The following YAP1 variants were observed in gnomAD, a reference collection of about 807,000 sequenced individuals.
YAP1 encodes the protein transcriptional coactivator YAP1.
Under a neutral mutation model 56.9 loss-of-function variants are expected in YAP1, and 5 were observed. The ratio of observed to expected loss-of-function variants is 0.09; its 90% CI spans 0.05 to 0.18. The LOEUF (loss-of-function observed/expected upper bound fraction) is 0.18, where lower values mean the gene tolerates loss of function less well. Among genes scored for constraint, YAP1 ranks in the 10% least tolerant of loss-of-function variants. YAP1 has a pLI of 1.00. For missense variants in YAP1, 539 were observed against 651.8 expected (o/e 0.83, Z 1.88); for synonymous variants, 265 against 248.1 (o/e 1.07, Z -0.64).
chr11:102,168,619 A>G (rs1377857161), intron 3 of YAP1, among the ~76,000 whole-genome samples: 1 of 152,216 alleles, frequency 6.6e-6, no homozygotes, highest in Non-Finnish European at 1.5e-5. Flanking sequence ...TGGGTGGAGA[A>G]AATGCCCTCT....
intron 2 of YAP1, among the ~76,000 whole-genome samples, chr11:102,155,777 G>A (rs1333039089): frequency 2.0e-5 from 3 of 152,160 alleles, no homozygotes; most frequent in African/African-American, 7.2e-5. Flanking sequence ...TTGAAAATTT[G>A]AATGTCACCA....
chr11:102,223,253 CAAAAAAAAAA>C (rs1013718662), intron 6 of YAP1, among the ~76,000 whole-genome samples: 6 of 52,462 alleles, frequency 1.1e-4, no homozygotes, highest in African/African-American at 2.0e-4. Flanking sequence ...TCTTGAAGAA[CAAAAAAAAAA>C]AAAAAAAAAG....
intron 2 of YAP1, among the ~76,000 whole-genome samples, chr11:102,155,967 G>A (rs188783530): frequency 1.2e-4 from 18 of 152,216 alleles, no homozygotes; most frequent in African/African-American, 3.9e-4. Context: ...CCTTGGTTGA[G>A]GGCATTACTC....
chr11:102,197,095 TTG>T (rs1281719247), intron 4 of YAP1, among the ~76,000 whole-genome samples: 2 of 152,210 alleles, frequency 1.3e-5, no homozygotes, highest in Admixed American at 1.3e-4. Context: ...GCCTATTAGT[TTG>T]TGTTTTTAGA....
intron 3 of YAP1, among the ~76,000 whole-genome samples, chr11:102,163,769 G>A (rs75300728): frequency 0.057 from 8,613 of 152,224 alleles, 369 homozygotes; most frequent in East Asian, 0.19. Context: ...TTGACTAGGC[G>A]AATTCACAGA....
chr11:102,181,158 A>G (rs774334046), intron 3 of YAP1, among the ~76,000 whole-genome samples: 1 of 149,690 alleles, frequency 6.7e-6, no homozygotes, highest in Non-Finnish European at 1.5e-5. Flanking sequence ...AAAAAATAAA[A>G]TAATAGGCCA....
chr11:102,183,749 A>G (rs954376089), intron 3 of YAP1, among the ~76,000 whole-genome samples: 17 of 130,022 alleles, frequency 1.3e-4, no homozygotes, highest in Non-Finnish European at 2.7e-4. Context: ...TTTAAACCAC[A>G]TATATGAAAC....
intron 3 of YAP1, among the ~76,000 whole-genome samples, chr11:102,170,183 T>C (rs530942512): frequency 6.6e-6 from 1 of 152,320 alleles, no homozygotes; most frequent in Admixed American, 6.5e-5. Context: ...TTTCACTTCG[T>C]CTCCACTGGG....
At position 102,176,602 on chromosome 11, in the gene YAP1, C is replaced by T. The variant is rs147204078; in HGVS notation, c.689-9416C>T. On this transcript the variant is annotated intron_variant, in intron 3 of 8. Transcript: ENST00000282441. Reference sequence around the variant, plus strand: ...TCTACTAAAAATAACAAAAGTTAGCCGGGTGTGGTGGTGCACCCCTGTAAT... The same window carrying T: ...TCTACTAAAAATAACAAAAGTTAGCTGGGTGTGGTGGTGCACCCCTGTAAT... 5.1e-3 allele frequency among the ~76,000 whole-genome samples: 769 copies of T among 151,518 alleles called. 8 individuals are homozygous for T. The highest frequency in any genetic ancestry group is 0.018 in the African/African-American group (736 of 41,244).
chr11:102,174,487 C>T (rs916477773), intron 3 of YAP1, among the ~76,000 whole-genome samples: 2 of 151,806 alleles, frequency 1.3e-5, no homozygotes, highest in African/African-American at 4.8e-5. Flanking sequence ...ACAGGAGAAT[C>T]GCTTGAACCC....
At chr11:102,165,987 T>C (rs1361484177) in intron 3 of YAP1, among the ~76,000 whole-genome samples, 2 of 152,170 alleles carry the variant, frequency 1.3e-5, no homozygotes, top group African/African-American at 2.4e-5. Context: ...GAGAAGAGAA[T>C]ATTCAAAGAG....
At chr11:102,135,446 G>A (rs1388589206) in intron 2 of YAP1, among the ~76,000 whole-genome samples, 1 of 152,202 alleles carries the variant, frequency 6.6e-6, no homozygotes, top group African/African-American at 2.4e-5. Context: ...TTCACTCATA[G>A]GTCTTGCTTG....
At chr11:102,168,958 C>A in intron 3 of YAP1, among the ~76,000 whole-genome samples, 1 of 152,074 alleles carries the variant, frequency 6.6e-6, no homozygotes, top group Non-Finnish European at 1.5e-5. Context: ...GTTGGTAATT[C>A]CTGCTTTATG....
intron 6 of YAP1, among the ~76,000 whole-genome samples, chr11:102,217,823 C>G (rs1397703269): frequency 6.6e-6 from 1 of 152,078 alleles, no homozygotes; most frequent in African/African-American, 2.4e-5. Flanking sequence ...CCAAGTCCTC[C>G]CGAGTAGCTT....
At chr11:102,133,844 TTC>T (rs1156678664) in intron 2 of YAP1, among the ~76,000 whole-genome samples, 2 of 152,198 alleles carry the variant, frequency 1.3e-5, no homozygotes, top group African/African-American at 4.8e-5. Context: ...AGAAATTTAT[TTC>T]TTATAGTTTT....
At chr11:102,199,350 G>A (rs1286371894) in intron 4 of YAP1, among the ~76,000 whole-genome samples, 1 of 152,142 alleles carries the variant, frequency 6.6e-6, no homozygotes, top group Non-Finnish European at 1.5e-5. Context: ...ATGTTTGTTG[G>A]TAACAGATAA....
At chr11:102,179,939 CAA>C (rs950950070) in intron 3 of YAP1, among the ~76,000 whole-genome samples, 1 of 151,034 alleles carries the variant, frequency 6.6e-6, no homozygotes, top group African/African-American at 2.4e-5. Flanking sequence ...AAGAATGAAA[CAA>C]TATTTTGTTT....
At chr11:102,120,967 T>C (rs1173241882) in intron 2 of YAP1, among the ~76,000 whole-genome samples, 1 of 152,228 alleles carries the variant, frequency 6.6e-6, no homozygotes, top group Admixed American at 6.5e-5. Flanking sequence ...GGATTTTTTT[T>C]TCCTGTATAT....
At chr11:102,112,492 A>C (rs550925743) in intron 1 of YAP1, 1 of 982,098 alleles carries the variant, frequency 1.0e-6, no homozygotes, top group Non-Finnish European at 1.2e-6. Flanking sequence ...CTTTGCCCAA[A>C]AGTTAATAGG....
Sources: gnomAD v4.1 joint callset for allele counts (sites outside exome capture counted in the v4.1 genomes callset) on GRCh38, gnomAD v4.1.1 for gene constraint, MANE v1.5 for transcripts, NCBI Gene and HGNC (gene_info 2026-07-23, HGNC 2026-07-21) for gene names.